Variants in TMCO6 observed in about 807,000 individuals in gnomAD.
The protein encoded by TMCO6 is transmembrane and coiled-coil domain-containing protein 6.
TMCO6 carries 47 observed loss-of-function variants against 61.8 expected under a neutral mutation model. The ratio of observed to expected loss-of-function variants is 0.76; its 90% CI spans 0.60 to 0.97. The LOEUF is 0.97. Ranked by LOEUF, TMCO6 falls within the 50% of genes least tolerant of loss-of-function variation. The probability of loss-of-function intolerance (pLI) is 0.00; values close to 1 mark genes in which losing one functional copy is unlikely to be tolerated. For missense variants in TMCO6, 557 were observed against 601.6 expected (o/e 0.93, Z 0.78); for synonymous variants, 261 against 254.2 (o/e 1.03, Z -0.25).
chr5:140,627,640 T>TAC, the TMCO6 span, among the ~76,000 whole-genome samples: 11 of 152,240 alleles, frequency 7.2e-5, no homozygotes, highest in South Asian at 1.0e-3. Context: ...ATATAAACAT[T>TAC]ACACACACAC....
the TMCO6 span, among the ~76,000 whole-genome samples, chr5:140,611,532 G>C: frequency 1.3e-5 from 2 of 152,178 alleles, no homozygotes; most frequent in African/African-American, 4.8e-5. Context: ...TCCTTGAAAT[G>C]CATGAGGTTA....
chr5:140,601,856 G>T, the TMCO6 span, among the ~76,000 whole-genome samples: 11 of 152,180 alleles, frequency 7.2e-5, no homozygotes, highest in Non-Finnish European at 1.2e-4. Flanking sequence ...GAGATTAAGT[G>T]AGTTAATAAT....
chr5:140,645,376 G>A lies in TMCO6; in HGVS notation c.*278G>A, dbSNP rs184064335. The A allele has an allele frequency of 5.7e-4, 452 of 791,174 alleles. 4 individuals are homozygous for A. The highest frequency in any genetic ancestry group is 7.0e-5 in the Non-Finnish European group (33 of 469,210). 49.0% of individuals were successfully genotyped at this position (791,174 alleles called of 1,614,324 possible). On this transcript the variant is annotated 3_prime_UTR_variant, in exon 12 of 12. Coordinates refer to ENST00000394671, the MANE Select transcript of TMCO6 (RefSeq NM_018502.5). ...TTCAGCAGCTGGTAGCTTTTGATGA[G>A]ACAGAATAAAGTTTTATTTTTATAT...
rs1757107149 is a variant in TMCO6 at position 140,642,583 on chromosome 5, C to T, written c.604-3C>T. 1.2e-6 allele frequency: 2 copies of T among 1,614,248 alleles called. No individual in the cohort carries two copies. Among genetic ancestry groups the T allele is most frequent in the Non-Finnish European group, 1.7e-6 (2 of 1,180,032 alleles). On this transcript the variant is annotated splice_polypyrimidine_tract_variant and splice_region_variant and intron_variant, in intron 5 of 11. Transcript: ENST00000394671. ...GTCAGATCCTTACCCTGTCTACTTC[C>T]AGTCCCCCCATGTGGCTGTGCTGGA...
rs781676399 is a variant in TMCO6, at chr5:140,642,360, G to A, written c.544G>A (p.Ala182Thr). 3.1e-6 allele frequency: 5 copies of A among 1,613,886 alleles called. No homozygotes were observed. In the East Asian group the frequency reaches 8.9e-5, roughly 29 times the overall value. ...TLGNLIVESE[A>T]VRRQLLPQGI... Reference sequence around the variant, plus strand: ...GGGTAACCTGATCGTGGAGAGTGAGGCTGTGAGAAGGCAGCTCCTGCCACA... The same window carrying A: ...GGGTAACCTGATCGTGGAGAGTGAGACTGTGAGAAGGCAGCTCCTGCCACA... Residue 182 changes from alanine (A) to threonine (T), a missense_variant, in exon 5 of 12, where the codon GCT (alanine) becomes ACT (threonine). Ala to Thr is a moderately conservative substitution (Grantham distance 58). Transcript: ENST00000394671.
At chr5:140,638,471 T>G (rs187067906), upstream of TMCO6, among the ~76,000 whole-genome samples, 245 of 151,762 alleles carry the variant, frequency 1.6e-3, 1 homozygote, top group African/African-American at 5.7e-3. Context: ...AAAGTGTGTG[T>G]GGGGGGGAGT....
the TMCO6 span, among the ~76,000 whole-genome samples, chr5:140,625,880 T>C: frequency 6.6e-6 from 1 of 152,192 alleles, no homozygotes; most frequent in Non-Finnish European, 1.5e-5. Flanking sequence ...GAGATGACAG[T>C]AGAGGAGGCA....
the TMCO6 span, among the ~76,000 whole-genome samples, chr5:140,610,450 C>T: frequency 6.6e-6 from 1 of 152,270 alleles, no homozygotes; most frequent in South Asian, 2.1e-4. Flanking sequence ...TCTCCCGCCT[C>T]AGCCAACCAA....
the TMCO6 span, among the ~76,000 whole-genome samples, chr5:140,629,624 A>C: frequency 2.6e-5 from 4 of 152,236 alleles, no homozygotes; most frequent in East Asian, 7.7e-4. Flanking sequence ...TCTGGTCTGG[A>C]GCATTTTGGA....
chr5:140,630,828 C>T, the TMCO6 span, among the ~76,000 whole-genome samples: 1 of 152,162 alleles, frequency 6.6e-6, no homozygotes, highest in Non-Finnish European at 1.5e-5. Flanking sequence ...TGGACATTGG[C>T]CAGAGGCAGG....
At chr5:140,607,465 CAT>C in the TMCO6 span, among the ~76,000 whole-genome samples, 1 of 152,046 alleles carries the variant, frequency 6.6e-6, no homozygotes, top group Non-Finnish European at 1.5e-5. Flanking sequence ...GAATCATTTC[CAT>C]GTTTTAGCTA....
chr5:140,619,693 T>C, the TMCO6 span, among the ~76,000 whole-genome samples: 1 of 152,212 alleles, frequency 6.6e-6, no homozygotes, highest in African/African-American at 2.4e-5. Flanking sequence ...TAAAAAAGTG[T>C]GCCTCTAACC....
In TMCO6 at chr5:140,645,032, G is replaced by A. The variant is rs758359538; in HGVS notation, c.1416G>A (p.Arg472=). 5.5e-5 allele frequency: 88 copies of A among 1,614,110 alleles called. 1 individual carries two copies. The South Asian group carries it at 9.2e-4, about 17-fold the overall frequency. ...AGTCAGGGCTGCAAGCCCTGGAAAG[G>A]CATCAGGAAGAGGCCCAGCTCCAGG... ...LQQSGLQALE[R]HQEEAQLQDR... is the part of the protein sequence containing the mutation. Residue 472 remains arginine (R), a synonymous_variant, in exon 12 of 12, where the codon AGG becomes AGA. Transcript: ENST00000394671.
the TMCO6 span, among the ~76,000 whole-genome samples, chr5:140,617,386 A>AC: frequency 6.6e-6 from 1 of 152,118 alleles, no homozygotes; most frequent in African/African-American, 2.4e-5. Context: ...ACATGGCAGA[A>AC]CCCCGTCTGT....
At position 140,643,929 on chromosome 5, in the gene TMCO6, G is replaced by T. The variant is rs747495176; in HGVS notation, c.1068G>T (p.Leu356=). 3 of 1,614,084 alleles carry T rather than the reference G, an allele frequency of 1.9e-6. No individual in the cohort carries two copies. In the African/African-American group the frequency reaches 4.0e-5, roughly 22 times the overall value. ...TCTTTTTCCAGAAACAGCCCAGTCT[G>T]CTCCCTGAGGGCCTTTGGCTCCTCA... ...LQFFFQKQPS[L]LPEGLWLLNN... The change falls in exon 9 of 12, where the codon CTG becomes CTT. Residue 356 remains leucine (L), a synonymous_variant. Coordinates refer to ENST00000394671, the MANE Select transcript of TMCO6 (RefSeq NM_018502.5).
At chr5:140,624,332 C>G in the TMCO6 span, among the ~76,000 whole-genome samples, 2 of 151,834 alleles carry the variant, frequency 1.3e-5, no homozygotes, top group Non-Finnish European at 2.9e-5. Context: ...CCTTTGCACT[C>G]CAGCCTGGGT....
rs1757331210 is a variant in TMCO6 at position 140,645,311 on chromosome 5, G to A, written c.*213G>A. ...CTCAGTGTGGTCTACTTACTCTGGGGCCCTAGAATCCCTGCCCCCCCGCCA... is the reference window on the plus strand; with the variant it reads ...CTCAGTGTGGTCTACTTACTCTGGGACCCTAGAATCCCTGCCCCCCCGCCA... On this transcript the variant is annotated 3_prime_UTR_variant, in exon 12 of 12. Coordinates refer to ENST00000394671, the MANE Select transcript of TMCO6 (RefSeq NM_018502.5). 1.4e-6 allele frequency: 1 copy of A among 718,964 alleles called. No individual in the cohort carries two copies. 44.5% of individuals were successfully genotyped at this position (718,964 alleles called of 1,614,324 possible).
At chr5:140,599,010 A>T in the TMCO6 span, among the ~76,000 whole-genome samples, 1 of 152,224 alleles carries the variant, frequency 6.6e-6, no homozygotes, top group Non-Finnish European at 1.5e-5. Flanking sequence ...CAGGGCTGCC[A>T]GCATTTGTTC....
At chr5:140,598,211 GTT>G in the TMCO6 span, among the ~76,000 whole-genome samples, 2 of 144,472 alleles carry the variant, frequency 1.4e-5, no homozygotes, top group Non-Finnish European at 1.5e-5. Flanking sequence ...ATTTTATTTG[GTT>G]TTTTTTTTTT....
Sources: allele counts gnomAD v4.1 joint callset (sites outside exome capture counted in the v4.1 genomes callset), GRCh38; gene constraint gnomAD v4.1.1; transcripts MANE v1.5; gene names NCBI Gene and HGNC (gene_info 2026-07-23, HGNC 2026-07-21).